Variants in DENND4A observed in about 807,000 individuals in gnomAD.
DENND4A encodes C-myc promoter-binding protein.
Under a neutral mutation model 199.3 loss-of-function variants are expected in DENND4A, and 70 were observed. The observed-to-expected ratio is 0.35, with a 90% CI of 0.29 to 0.43. The LOEUF (loss-of-function observed/expected upper bound fraction) is 0.43. DENND4A is among the 20% of genes least tolerant of loss of function. The pLI is 1.00. For missense variants in DENND4A, 1,723 were observed against 2,255.8 expected (o/e 0.76, Z 4.78); for synonymous variants, 686 against 766.9 (o/e 0.89, Z 1.74).
intron 24 of DENND4A, among the ~76,000 whole-genome samples, chr15:65,676,126 G>C (rs61046559): frequency 2.7e-3 from 296 of 111,594 alleles, no homozygotes; most frequent in African/African-American, 8.9e-3. Flanking sequence ...AGAAGACAGG[G>C]AAGTAATAAG....
At chr15:65,772,598 T>C (rs1401175061) in intron 1 of DENND4A, among the ~76,000 whole-genome samples, 2 of 146,864 alleles carry the variant, frequency 1.4e-5, no homozygotes, top group African/African-American at 5.0e-5. Flanking sequence ...TCCCAGCTAC[T>C]CAGGAGGCTG....
At chr15:65,706,750 T>G (rs537746005) in intron 14 of DENND4A, among the ~76,000 whole-genome samples, 8 of 152,326 alleles carry the variant, frequency 5.3e-5, no homozygotes, top group African/African-American at 1.9e-4. Context: ...CGCCTTGGCC[T>G]CCCAAAGTGC....
chr15:65,671,931 T>G, intron 24 of DENND4A, 45 bp from the exon 25 acceptor site: 1 of 1,128,240 alleles, frequency 8.9e-7, no homozygotes, highest in South Asian at 1.2e-5. Context: ...TTAAAATTAA[T>G]GAGAAAGGAT....
intron 1 of DENND4A, among the ~76,000 whole-genome samples, chr15:65,776,159 T>A (rs2077278217): frequency 6.6e-6 from 1 of 152,180 alleles, no homozygotes; most frequent in South Asian, 2.1e-4. Flanking sequence ...GCACTAAGAG[T>A]AAGCAATGTT....
At chr15:65,759,711 T>C (rs142914593) in intron 2 of DENND4A, among the ~76,000 whole-genome samples, 240 of 152,304 alleles carry the variant, frequency 1.6e-3, no homozygotes, top group Non-Finnish European at 2.7e-3. Flanking sequence ...TCGTTGCATA[T>C]AACAAGTGCT....
At chr15:65,663,904 G>A (rs556332684) in intron 32 of DENND4A, among the ~76,000 whole-genome samples, 16 of 151,692 alleles carry the variant, frequency 1.1e-4, no homozygotes, top group African/African-American at 3.9e-4. Context: ...CACCCACCTT[G>A]GCCTCCCAAA....
Position 65,696,404 on chromosome 15 carries a change from C to T in DENND4A, c.3044G>A (p.Ser1015Asn). The change falls in exon 22 of 33, where the codon AGT becomes AAT. Residue 1015 changes from serine to asparagine, a missense_variant. Around this residue, in one of 6 missense-constraint regions of DENND4A, gnomAD observed 650 missense variants for 738.1 expected, o/e 0.88. Transcript: ENST00000443035. The part of the protein sequence containing the change: ...SSSIVRLTGT[S>N]NNSAGKISGE... The stretch of plus-strand genomic sequence containing the variant: ...TGATATTTTACCAGCACTGTTGTTA[C>T]TTGTACCAGTGAGGCGAACGATACT... 2 of 1,612,650 alleles carry T rather than the reference C, an allele frequency of 1.2e-6. No homozygotes were observed. The highest frequency in any genetic ancestry group is 8.5e-7 in the Non-Finnish European group (1 of 1,178,990).
intron 23 of DENND4A, among the ~76,000 whole-genome samples, chr15:65,684,998 G>A (rs550829803): frequency 6.6e-6 from 1 of 151,542 alleles, no homozygotes; most frequent in East Asian, 1.9e-4. Flanking sequence ...CTAATCTTTC[G>A]TATTTTTAGT....
In DENND4A at chr15:65,771,404, T is replaced by C. The variant is rs547874780; in HGVS notation, c.-101-9966A>G. 532 of 1,583,560 alleles carry C rather than the reference T, an allele frequency of 3.4e-4. 3 individuals carry two copies. The African/African-American group carries it at 6.5e-3, about 19-fold the overall frequency. On this transcript the variant is annotated intron_variant, in intron 1 of 32. Coordinates refer to ENST00000443035, the MANE Select transcript of DENND4A (RefSeq NM_001320835.1). ...CATTCCTTTATATTCATTTTTAAAG[T>C]CCTTGCTGACATAATAAACACCACC...
chr15:65,679,506 CT>C (rs111681025), intron 23 of DENND4A, among the ~76,000 whole-genome samples: 5 of 151,962 alleles, frequency 3.3e-5, no homozygotes, highest in African/African-American at 7.3e-5. Context: ...TCTATTTCAT[CT>C]TTTTTTCATT....
chr15:65,746,365 T>TCTC (rs2076391054), intron 4 of DENND4A, among the ~76,000 whole-genome samples: 2 of 138,154 alleles, frequency 1.4e-5, no homozygotes, highest in African/African-American at 5.8e-5. Flanking sequence ...TTCTACTTTT[T>TCTC]TCTCTTTTTT....
At chr15:65,780,888 C>T (rs1043818062) in intron 1 of DENND4A, among the ~76,000 whole-genome samples, 1 of 152,226 alleles carries the variant, frequency 6.6e-6, no homozygotes, top group African/African-American at 2.4e-5. Context: ...CTTTATCCTG[C>T]TTCTCCAATA....
intron 1 of DENND4A, among the ~76,000 whole-genome samples, chr15:65,773,729 C>T (rs919693952): frequency 2.6e-5 from 4 of 152,154 alleles, no homozygotes; most frequent in African/African-American, 9.7e-5. Context: ...GCTTTTATCA[C>T]AAACCTCATG....
intron 1 of DENND4A, among the ~76,000 whole-genome samples, chr15:65,774,711 T>C (rs2077230712): frequency 6.6e-6 from 1 of 151,882 alleles, no homozygotes; most frequent in South Asian, 2.1e-4. Context: ...TTTTATAAAA[T>C]AACATATATA....
chr15:65,774,454 C>T (rs1233895102), intron 1 of DENND4A, among the ~76,000 whole-genome samples: 2 of 152,158 alleles, frequency 1.3e-5, no homozygotes, highest in Non-Finnish European at 2.9e-5. Flanking sequence ...TGAGCCACTG[C>T]ACTCCAGCCT....
At chr15:65,708,420 G>T (rs565713798) in intron 14 of DENND4A, among the ~76,000 whole-genome samples, 29 of 152,146 alleles carry the variant, frequency 1.9e-4, no homozygotes, top group African/African-American at 7.0e-4. Flanking sequence ...AAAGTGTGGG[G>T]TCCAGGACAA....
intron 4 of DENND4A, among the ~76,000 whole-genome samples, chr15:65,751,780 GACA>G (rs1246615071): frequency 6.6e-6 from 1 of 152,172 alleles, no homozygotes; most frequent in Non-Finnish European, 1.5e-5. Context: ...CTCTGGATAT[GACA>G]ACAAGAGAAA....
At chr15:65,693,564 CCAAA>C (rs1391225241) in intron 22 of DENND4A, among the ~76,000 whole-genome samples, 1 of 151,730 alleles carries the variant, frequency 6.6e-6, no homozygotes, top group Non-Finnish European at 1.5e-5. Flanking sequence ...TTCCTTTCTA[CCAAA>C]CAGCCTTTTT....
Position 65,663,822 on chromosome 15 carries a change from T to TG in DENND4A, c.5587+507_5587+508insC, listed in dbSNP as rs1264343492. Among the ~76,000 whole-genome samples, 3 of 151,984 alleles carry TG rather than the reference T, an allele frequency of 2.0e-5. No individual in the cohort carries two copies. The East Asian group carries it at 5.8e-4, about 29-fold the overall frequency. ...GTGCCACCACATCTGGCTAACTTTT[T>TG]TTTTTTTTTGGTAGAAATGGGGTTT... On this transcript the variant is annotated intron_variant, in intron 32 of 32. Coordinates refer to ENST00000443035, the MANE Select transcript of DENND4A (RefSeq NM_001320835.1).
Sources: gnomAD v4.1 joint callset for allele counts (sites outside exome capture counted in the v4.1 genomes callset) on GRCh38, gnomAD v4.1.1 for gene constraint, gnomAD v4.1.1 regional missense constraint, MANE v1.5 for transcripts, NCBI Gene and HGNC (gene_info 2026-07-23, HGNC 2026-07-21) for gene names.